Variants in PTPRE observed in about 807,000 individuals in gnomAD.
PTPRE encodes receptor-type tyrosine-protein phosphatase epsilon.
Under a neutral mutation model 102.0 loss-of-function variants are expected in PTPRE, and 51 were observed. The observed-to-expected ratio is 0.50, with a 90% CI of 0.40 to 0.63. The LOEUF is 0.63. Among genes scored for constraint, PTPRE ranks in the 30% least tolerant of loss-of-function variants. The probability of loss-of-function intolerance (pLI) is 0.00; values close to 1 mark genes in which losing one functional copy is unlikely to be tolerated. For synonymous variants in PTPRE, 345 were observed against 348.2 expected (o/e 0.99, Z 0.10); for missense variants, 752 against 915.1 (o/e 0.82, Z 2.30).
chr10:128,040,889 C>T lies in PTPRE; in HGVS notation c.8C>T (p.Pro3Leu), dbSNP rs1310200650. Reference sequence around the variant, plus strand: ...CCTCTCTGCAGGTCCACCATGGAGCCCTTGTGTCCACTCCTGCTGGTGGGT... The same window carrying T: ...CCTCTCTGCAGGTCCACCATGGAGCTCTTGTGTCCACTCCTGCTGGTGGGT... ME[P>L]LCPLLLVGFS... is the part of the protein sequence containing the mutation. Residue 3 changes from proline (P) to leucine (L), a missense_variant, in exon 3 of 21, where the codon CCC becomes CTC. Physicochemically the swap from Pro to Leu is moderately conservative, Grantham distance 98 (BLOSUM62 -3). Coordinates refer to ENST00000254667, the MANE Select transcript of PTPRE (RefSeq NM_006504.6). The T allele has an allele frequency of 6.2e-7, 1 of 1,613,900 alleles. No homozygotes were observed. The highest frequency in any genetic ancestry group is 1.3e-5 in the African/African-American group (1 of 74,900).
chr10:128,077,093 C>T (rs537515685), intron 18 of PTPRE, among the ~76,000 whole-genome samples: 8 of 152,334 alleles, frequency 5.3e-5, no homozygotes, highest in African/African-American at 1.9e-4. Flanking sequence ...TGCTCATCCT[C>T]TCTCCTTGGC....
intron 10 of PTPRE, among the ~76,000 whole-genome samples, chr10:128,065,171 A>G (rs991065875): frequency 8.5e-5 from 13 of 152,204 alleles, no homozygotes; most frequent in African/African-American, 3.1e-4. Flanking sequence ...CCGTCATAAC[A>G]CAATGATGCT....
intron 2 of PTPRE, among the ~76,000 whole-genome samples, chr10:128,029,045 C>G (rs1018735668): frequency 5.3e-5 from 8 of 152,230 alleles, no homozygotes; most frequent in Non-Finnish European, 1.0e-4. Context: ...GGGGCATCCT[C>G]CCTCTTGATT....
intron 2 of PTPRE, among the ~76,000 whole-genome samples, chr10:127,985,476 T>G (rs1410568752): frequency 1.1e-4 from 17 of 151,510 alleles, no homozygotes; most frequent in Non-Finnish European, 2.4e-4. Context: ...CCCAGCTACT[T>G]GGGAGGCTGA....
intron 2 of PTPRE, among the ~76,000 whole-genome samples, chr10:128,026,243 C>T (rs1459831246): frequency 6.6e-6 from 1 of 152,256 alleles, no homozygotes; most frequent in Non-Finnish European, 1.5e-5. Context: ...CCATCTCTGA[C>T]CTCCCTGTCC....
chr10:127,937,419 G>A (rs750030350), intron 1 of PTPRE, among the ~76,000 whole-genome samples: 28 of 152,146 alleles, frequency 1.8e-4, no homozygotes, highest in Admixed American at 4.6e-4. Flanking sequence ...AATTTTCTGA[G>A]CTGGAAGGAG....
At chr10:127,988,011 G>A (rs1852248862) in intron 2 of PTPRE, among the ~76,000 whole-genome samples, 1 of 152,210 alleles carries the variant, frequency 6.6e-6, no homozygotes, top group African/African-American at 2.4e-5. Context: ...GGCTGCAGAT[G>A]AGTGCCAACT....
At chr10:128,021,954 C>T (rs1242013300) in intron 2 of PTPRE, among the ~76,000 whole-genome samples, 2 of 152,182 alleles carry the variant, frequency 1.3e-5, no homozygotes, top group Non-Finnish European at 2.9e-5. Flanking sequence ...CAGGACTGAT[C>T]CTAGAGTATG....
At chr10:127,908,894 A>T (rs774026065) in intron 1 of PTPRE, among the ~76,000 whole-genome samples, 1 of 152,186 alleles carries the variant, frequency 6.6e-6, no homozygotes, top group Non-Finnish European at 1.5e-5. Flanking sequence ...AGGTCACTGG[A>T]TGTGTCCAGA....
At chr10:127,953,731 T>G (rs1012421970) in intron 1 of PTPRE, among the ~76,000 whole-genome samples, 6 of 152,228 alleles carry the variant, frequency 3.9e-5, no homozygotes, top group Non-Finnish European at 5.9e-5. Context: ...CTGCATGATA[T>G]GTAGGCACCA....
chr10:127,950,868 G>A (rs183065010), intron 1 of PTPRE, among the ~76,000 whole-genome samples: 346 of 152,008 alleles, frequency 2.3e-3, no homozygotes, highest in Non-Finnish European at 3.9e-3. Flanking sequence ...AGGCCGAGGC[G>A]GGCAGATCAC....
intron 8 of PTPRE, 124 bp from the exon 9 acceptor site, chr10:128,061,555 C>A: frequency 1.7e-6 from 2 of 1,208,710 alleles, no homozygotes; most frequent in South Asian, 1.5e-5. Context: ...TCCTTCTTAA[C>A]CTTTTCCTGT....
chr10:127,909,418 G>A (rs1306724421), intron 1 of PTPRE, among the ~76,000 whole-genome samples: 6 of 152,164 alleles, frequency 3.9e-5, no homozygotes, highest in Non-Finnish European at 7.4e-5. Flanking sequence ...CATTAGCCTA[G>A]TCTAAGGTGC....
At chr10:128,073,299 A>G in intron 16 of PTPRE, 38 bp from the exon 17 acceptor site, 3 of 1,611,556 alleles carry the variant, frequency 1.9e-6, no homozygotes, top group Non-Finnish European at 1.7e-6. Context: ...CCAGGATGGA[A>G]GGAAGTCAGA....
At chr10:127,971,328 T>C (rs1850713036) in intron 1 of PTPRE, among the ~76,000 whole-genome samples, 2 of 152,204 alleles carry the variant, frequency 1.3e-5, no homozygotes, top group African/African-American at 4.8e-5. Context: ...GCATGGGTCT[T>C]ACGTAAGAGA....
chr10:128,068,034 G>T, intron 11 of PTPRE, 89 bp from the exon 12 acceptor site: 2 of 1,452,444 alleles, frequency 1.4e-6, no homozygotes, highest in South Asian at 1.3e-5. Flanking sequence ...CAGCACAGGG[G>T]AGCCCACGGC....
chr10:127,984,977 C>T (rs1258377636), intron 2 of PTPRE, among the ~76,000 whole-genome samples: 6 of 152,196 alleles, frequency 3.9e-5, no homozygotes, highest in African/African-American at 7.2e-5. Flanking sequence ...GCATTTGAGA[C>T]GTGTACAGAG....
intron 2 of PTPRE, among the ~76,000 whole-genome samples, chr10:128,014,286 G>A (rs929503920): frequency 5.9e-5 from 9 of 152,260 alleles, no homozygotes; most frequent in Admixed American, 2.0e-4. Flanking sequence ...AATATGGAGC[G>A]TTCTCTCCTT....
intron 6 of PTPRE, among the ~76,000 whole-genome samples, chr10:128,050,321 G>T (rs963633011): frequency 1.4e-5 from 2 of 142,808 alleles, no homozygotes; most frequent in Admixed American, 1.4e-4. Flanking sequence ...GGATGGATGA[G>T]TGGGAGGGCG....
Sources: allele counts gnomAD v4.1 joint callset (sites outside exome capture counted in the v4.1 genomes callset), GRCh38; gene constraint gnomAD v4.1.1; transcripts MANE v1.5; gene names NCBI Gene and HGNC (gene_info 2026-07-23, HGNC 2026-07-21).